Variants in LRBA observed in about 807,000 individuals in gnomAD.
LRBA encodes LPS responsive beige-like anchor protein.
LRBA carries 176 observed loss-of-function variants against 330.0 expected under a neutral mutation model. The observed-to-expected ratio is 0.53, with a 90% confidence interval of 0.47 to 0.60. The LOEUF is 0.60. Ranked by LOEUF, LRBA falls within the 20% of genes least tolerant of loss-of-function variation. LRBA has a pLI of 0.00. For synonymous variants in LRBA, 1,230 were observed against 1,193.0 expected (o/e 1.03, Z -0.64); for missense variants, 3,259 against 3,444.8 (o/e 0.95, Z 1.35).
At chr4:150,973,125 T>G (rs894729804) in intron 2 of LRBA, among the ~76,000 whole-genome samples, 1 of 150,312 alleles carries the variant, frequency 6.7e-6, no homozygotes, top group Non-Finnish European at 1.5e-5. Context: ...GTCTCTATTT[T>G]TAAAATTAAA....
chr4:150,959,613 A>G (rs9992474), intron 2 of LRBA, among the ~76,000 whole-genome samples: 10,333 of 148,966 alleles, frequency 0.069, 1,286 homozygotes, highest in East Asian at 0.18. Flanking sequence ...AATTCATAAT[A>G]TTTCAAAAAG....
At chr4:150,654,546 C>T (rs181145033) in intron 37 of LRBA, among the ~76,000 whole-genome samples, 42 of 152,076 alleles carry the variant, frequency 2.8e-4, no homozygotes, top group Non-Finnish European at 5.4e-4. Flanking sequence ...GCCTTAAAGT[C>T]ATTTTTTTTA....
intron 47 of LRBA, among the ~76,000 whole-genome samples, chr4:150,372,324 T>C (rs1740452383): frequency 6.6e-6 from 1 of 151,566 alleles, no homozygotes; most frequent in African/African-American, 2.4e-5. Context: ...TTATTGAAAA[T>C]GTTGGCTGGG....
At chr4:150,587,511 A>G (rs1163571174) in intron 40 of LRBA, among the ~76,000 whole-genome samples, 1 of 152,228 alleles carries the variant, frequency 6.6e-6, no homozygotes, top group Non-Finnish European at 1.5e-5. Flanking sequence ...TATATTTTAA[A>G]GGGGAAATTA....
intron 13 of LRBA, among the ~76,000 whole-genome samples, chr4:150,903,176 G>T (rs754516410): frequency 5.9e-5 from 9 of 152,228 alleles, no homozygotes; most frequent in Non-Finnish European, 1.2e-4. Context: ...GAGGCCGGAA[G>T]TTCGAGACCA....
intron 36 of LRBA, among the ~76,000 whole-genome samples, chr4:150,732,186 G>T (rs1730541032): frequency 6.6e-6 from 1 of 151,584 alleles, no homozygotes; most frequent in Admixed American, 6.6e-5. Context: ...ACATTTCCTT[G>T]TTTTTTCCAT....
intron 32 of LRBA, among the ~76,000 whole-genome samples, chr4:150,807,826 T>C (rs1578848791): frequency 6.6e-6 from 1 of 152,074 alleles, no homozygotes; most frequent in Admixed American, 6.5e-5. Context: ...TTTTTAATAT[T>C]TTTAGTAGAG....
chr4:150,794,119 C>T (rs1225126128), intron 34 of LRBA, among the ~76,000 whole-genome samples: 1 of 152,000 alleles, frequency 6.6e-6, no homozygotes, highest in African/African-American at 2.4e-5. Flanking sequence ...AGAGGGGCAG[C>T]TTAGGGAAAG....
chr4:150,689,433 A>G (rs1335290936), intron 36 of LRBA, among the ~76,000 whole-genome samples: 1 of 152,128 alleles, frequency 6.6e-6, no homozygotes, highest in Non-Finnish European at 1.5e-5. Flanking sequence ...CATTCTGCAC[A>G]TGTATCCCAG....
At chr4:150,463,664 T>C (rs1755062093) in intron 44 of LRBA, among the ~76,000 whole-genome samples, 1 of 152,034 alleles carries the variant, frequency 6.6e-6, no homozygotes, top group South Asian at 2.1e-4. Flanking sequence ...AATAATATTT[T>C]ACCCACCCAA....
chr4:150,559,913 A>AT (rs1561352796), intron 40 of LRBA, among the ~76,000 whole-genome samples: 3,022 of 67,040 alleles, frequency 0.045, 76 homozygotes, highest in East Asian at 0.12. Flanking sequence ...AATTATATAT[A>AT]ATATATAAAT....
At chr4:150,498,480 T>C (rs1759845745) in intron 40 of LRBA, among the ~76,000 whole-genome samples, 1 of 152,150 alleles carries the variant, frequency 6.6e-6, no homozygotes, top group Admixed American at 6.5e-5. Flanking sequence ...ATTTAAACTA[T>C]ACCATAAGTC....
At chr4:150,756,683 G>A (rs1337810255) in intron 35 of LRBA, among the ~76,000 whole-genome samples, 1 of 152,062 alleles carries the variant, frequency 6.6e-6, no homozygotes, top group Non-Finnish European at 1.5e-5. Context: ...ACATAACAAT[G>A]TAACCTACAC....
intron 55 of LRBA, 111 bp from the exon 56 acceptor site, chr4:150,278,115 A>G: frequency 2.3e-6 from 2 of 865,794 alleles, no homozygotes; most frequent in Non-Finnish European, 1.7e-6. Context: ...GAGAAGAGAG[A>G]GAGATCCTCA....
At chr4:150,438,427 G>C (rs1425682479) in intron 44 of LRBA, among the ~76,000 whole-genome samples, 1 of 152,138 alleles carries the variant, frequency 6.6e-6, no homozygotes, top group East Asian at 1.9e-4. Flanking sequence ...AAAGCCTACA[G>C]TGAGCTATGA....
At position 150,855,603 on chromosome 4, in the gene LRBA, G is replaced by A. The variant is rs182591818; in HGVS notation, c.2767-2660C>T. On this transcript the variant is annotated intron_variant, in intron 22 of 56. Coordinates refer to ENST00000651943, the MANE Select transcript of LRBA (RefSeq NM_001364905.1). The stretch of plus-strand genomic sequence containing the variant: ...TACCACCCATGTCAAGAAGTAAAAC[G>A]TTACCAGTACCTCACAATTCCCCTA... Among the ~76,000 whole-genome samples the A allele has an allele frequency of 1.1e-4, 17 of 151,954 alleles. No individual in the cohort carries two copies. In the East Asian group the frequency reaches 3.1e-3, roughly 28 times the overall value.
At chr4:150,808,174 A>C in intron 32 of LRBA, 146 bp downstream of exon 32, 1 of 570,980 alleles carries the variant, frequency 1.8e-6, no homozygotes, top group Non-Finnish European at 3.1e-6. Context: ...ATGAACTTCT[A>C]AAATGTTCCC....
At chr4:150,357,628 A>G (rs1055517711) in intron 47 of LRBA, among the ~76,000 whole-genome samples, 31 of 151,650 alleles carry the variant, frequency 2.0e-4, no homozygotes, top group Non-Finnish European at 4.1e-4. Context: ...TAATTATAGT[A>G]TCACACACAT....
At chr4:150,581,474 C>A in intron 40 of LRBA, 1 of 291,898 alleles carries the variant, frequency 3.4e-6, no homozygotes, top group Non-Finnish European at 6.9e-6. Context: ...TTTCGCTTCC[C>A]ATTTGCCTTC....
Sources: allele counts gnomAD v4.1 joint callset (sites outside exome capture counted in the v4.1 genomes callset), GRCh38; gene constraint gnomAD v4.1.1; transcripts MANE v1.5; gene names NCBI Gene and HGNC (gene_info 2026-07-23, HGNC 2026-07-21).